BMPR2: variants seen among roughly 807,000 people sequenced by gnomAD.
The protein encoded by BMPR2 is bone morphogenetic protein receptor type-2.
A neutral mutation model predicts 100.8 loss-of-function variants in BMPR2; 29 were observed. That is an observed-to-expected ratio of 0.29 (90% CI 0.21 to 0.39). The LOEUF is 0.39. Among genes scored for constraint, BMPR2 ranks in the 10% least tolerant of loss-of-function variants. The pLI, the probability that BMPR2 is intolerant of heterozygous loss-of-function variation, is 1.00. For synonymous variants in BMPR2, 382 were observed against 442.3 expected (o/e 0.86, Z 1.71); for missense variants, 1,011 against 1,274.5 (o/e 0.79, Z 3.15).
At chr2:202,441,233 G>A (rs1439886724) in intron 1 of BMPR2, among the ~76,000 whole-genome samples, 2 of 149,870 alleles carry the variant, frequency 1.3e-5, no homozygotes, top group East Asian at 1.9e-4. Flanking sequence ...CACCCACCTC[G>A]GCCTCCCAAA....
intron 1 of BMPR2, among the ~76,000 whole-genome samples, chr2:202,448,648 G>A (rs982808238): frequency 6.6e-6 from 1 of 150,932 alleles, no homozygotes; most frequent in African/African-American, 2.4e-5. Context: ...ATTAGAGACG[G>A]GGTTTCGACA....
At chr2:202,417,200 G>A (rs1396165916) in intron 1 of BMPR2, among the ~76,000 whole-genome samples, 1 of 151,938 alleles carries the variant, frequency 6.6e-6, no homozygotes, top group Non-Finnish European at 1.5e-5. Flanking sequence ...GCAGTGGCAC[G>A]ATCTTGGCTC....
At chr2:202,403,671 A>G (rs1274644055) in intron 1 of BMPR2, among the ~76,000 whole-genome samples, 1 of 152,164 alleles carries the variant, frequency 6.6e-6, no homozygotes, top group Admixed American at 6.6e-5. Context: ...AAAGTTTCAA[A>G]CCTACTGAAC....
intron 3 of BMPR2, among the ~76,000 whole-genome samples, chr2:202,481,128 G>A (rs1692651622): frequency 6.6e-6 from 1 of 151,954 alleles, no homozygotes; most frequent in Admixed American, 6.6e-5. Context: ...AGAGAAAGCT[G>A]AGTTCTCCAA....
At chr2:202,392,991 C>CAA (rs57464494) in intron 1 of BMPR2, among the ~76,000 whole-genome samples, 78 of 95,756 alleles carry the variant, frequency 8.1e-4, no homozygotes, top group Middle Eastern at 6.1e-3. Flanking sequence ...AACTCCGTCT[C>CAA]AAAAAAAAAA....
At chr2:202,505,852 T>C (rs1326575208) in intron 3 of BMPR2, among the ~76,000 whole-genome samples, 1 of 152,236 alleles carries the variant, frequency 6.6e-6, no homozygotes, top group African/African-American at 2.4e-5. Flanking sequence ...ACTACTTATT[T>C]CCTAACAACT....
chr2:202,475,020 T>A (rs1364359921), intron 3 of BMPR2: 1 of 152,170 alleles, frequency 6.6e-6, no homozygotes, highest in Non-Finnish European at 1.5e-5. Flanking sequence ...ATTTAGAATG[T>A]TTCTTTCCAG....
chr2:202,448,581 C>T (rs1691904000), intron 1 of BMPR2, among the ~76,000 whole-genome samples: 1 of 151,514 alleles, frequency 6.6e-6, no homozygotes, highest in African/African-American at 2.4e-5. Context: ...ATCAGCTTCC[C>T]GAGTAGCTGG....
chr2:202,463,451 C>A (rs545578888), intron 1 of BMPR2, among the ~76,000 whole-genome samples: 1 of 152,192 alleles, frequency 6.6e-6, no homozygotes, highest in South Asian at 2.1e-4. Flanking sequence ...TAGTTTTGTT[C>A]AGAAACATTA....
chr2:202,464,158 T>TTA (rs1692273437), intron 1 of BMPR2, among the ~76,000 whole-genome samples: 1 of 61,772 alleles, frequency 1.6e-5, no homozygotes. Context: ...AAACTCTGTC[T>TTA]CAAAAAAAAA....
intron 7 of BMPR2, among the ~76,000 whole-genome samples, chr2:202,525,207 T>C (rs1484392065): frequency 6.6e-6 from 1 of 151,960 alleles, no homozygotes; most frequent in African/African-American, 2.4e-5. Flanking sequence ...GTGAGTTTTG[T>C]TGTTGTTGTT....
At chr2:202,418,143 T>TAAA (rs1691177119) in intron 1 of BMPR2, among the ~76,000 whole-genome samples, 1 of 152,232 alleles carries the variant, frequency 6.6e-6, no homozygotes, top group Non-Finnish European at 1.5e-5. Context: ...ATTTGCTTTA[T>TAAA]TGCAGTGTTC....
At position 202,489,059 on chromosome 2, in the gene BMPR2, C is replaced by CG. The variant is rs1282953408; in HGVS notation, c.418+21372dup. ...TCTTGTCGCCCAGGCTGGAATGCAA[C>CG]GGCACAATCTCAGCTCACTGCAACC... is the stretch of plus-strand genomic sequence containing the variant. On this transcript the variant is annotated intron_variant, in intron 3 of 12. Transcript: ENST00000374580. Among the ~76,000 whole-genome samples the CG allele has an allele frequency of 2.0e-5, 3 of 149,152 alleles. No individual in the cohort carries two copies. The Admixed American group carries it at 2.0e-4, about 10-fold the overall frequency.
chr2:202,543,213 CATATATATTTAT>C (rs1051759129), intron 10 of BMPR2, among the ~76,000 whole-genome samples: 2 of 145,154 alleles, frequency 1.4e-5, no homozygotes, highest in Non-Finnish European at 3.0e-5. Flanking sequence ...TATTTATATA[CATATATATTTAT>C]ATATATATTT....
In BMPR2 at chr2:202,530,888, G is replaced by A; in HGVS notation, c.1062G>A (p.Leu354=). Residue 354 remains leucine (L), a synonymous_variant, in exon 8 of 13, where the codon CTG becomes CTA. Transcript: ENST00000374580. ...DGTCVISDFG[L]SMRLTGNRLV... ...CCTGTGTTATTAGTGACTTTGGACT[G>A]TCCATGAGGCTGACTGGAAATAGAC... 1.9e-6 allele frequency: 3 copies of A among 1,614,156 alleles called. No homozygotes were observed. Among genetic ancestry groups the A allele is most frequent in the African/African-American group, 2.7e-5 (2 of 75,044 alleles).
intron 1 of BMPR2, among the ~76,000 whole-genome samples, chr2:202,408,890 A>G (rs1390823405): frequency 6.6e-6 from 1 of 152,148 alleles, no homozygotes; most frequent in Admixed American, 6.6e-5. Context: ...GCTTTGTGGT[A>G]TATTATTGTA....
At chr2:202,534,331 A>T (rs946910820) in intron 9 of BMPR2, among the ~76,000 whole-genome samples, 175 of 151,418 alleles carry the variant, frequency 1.2e-3, no homozygotes, top group African/African-American at 3.5e-3. Context: ...GGGTCATAGG[A>T]CAATAGTGGA....
At chr2:202,545,860 G>A (rs1286032125) in intron 10 of BMPR2, among the ~76,000 whole-genome samples, 1 of 152,232 alleles carries the variant, frequency 6.6e-6, no homozygotes, top group Non-Finnish European at 1.5e-5. Flanking sequence ...CTGATAGCAA[G>A]TGAGAGGCTG....
intron 1 of BMPR2, among the ~76,000 whole-genome samples, chr2:202,419,503 C>T (rs1409757734): frequency 3.3e-5 from 5 of 152,114 alleles, no homozygotes; most frequent in East Asian, 3.9e-4. Context: ...ATTACAGGCG[C>T]GTGCCACCAT....
Sources: allele counts gnomAD v4.1 joint callset (sites outside exome capture counted in the v4.1 genomes callset), GRCh38; gene constraint gnomAD v4.1.1; transcripts MANE v1.5; gene names NCBI Gene and HGNC (gene_info 2026-07-23, HGNC 2026-07-21).